The following CCDC191 variants were observed in gnomAD, a reference collection of about 807,000 sequenced individuals.
CCDC191 encodes the protein coiled-coil domain-containing protein 191.
CCDC191 carries 99 observed loss-of-function variants against 114.0 expected under a neutral mutation model. That is an observed-to-expected ratio of 0.87 (90% CI 0.74 to 1.03). CCDC191 has a LOEUF of 1.03. Among genes scored for constraint, CCDC191 ranks in the 50% least tolerant of loss-of-function variants. CCDC191 has a pLI of 0.00. For synonymous variants in CCDC191, 351 were observed against 376.0 expected, an observed-to-expected ratio of 0.93 and a Z score of 0.77; for missense variants, 973 against 1,087.0, an observed-to-expected ratio of 0.90 and a Z score of 1.47.
chr3:114,044,730 A>G (rs1168458367), intron 3 of CCDC191, among the ~76,000 whole-genome samples: 3 of 152,228 alleles, frequency 2.0e-5, no homozygotes, highest in African/African-American at 7.2e-5. Context: ...AAAATAATTC[A>G]CACCTACTAA....
At chr3:113,975,618 A>G (rs775263347) in intron 16 of CCDC191, among the ~76,000 whole-genome samples, 110 of 152,176 alleles carry the variant, frequency 7.2e-4, no homozygotes, top group Admixed American at 2.5e-3. Flanking sequence ...ATACTTTCAG[A>G]GAGTCTTAAG....
chr3:114,056,330 G>A (rs372955951), intron 1 of CCDC191, 47 bp downstream of exon 1: 17 of 1,584,886 alleles, frequency 1.1e-5, no homozygotes, highest in Non-Finnish European at 1.5e-5. Context: ...TGACTGCGCC[G>A]CGCCTTGGGA....
rs1223019527 is a variant in CCDC191, at chr3:113,964,687, G to A, written c.*468C>T. 2 of 152,380 alleles carry A rather than the reference G, an allele frequency of 1.3e-5. No homozygotes were observed. Among genetic ancestry groups the A allele is most frequent in the Non-Finnish European group, 2.9e-5 (2 of 68,178 alleles). The allele number at this position is 152,380 out of a possible 1,614,324, so 9.4% of individuals were successfully genotyped here. A position where few individuals can be genotyped will look rare whatever the true frequency, so the allele number is the denominator to read the frequency against. On this transcript the variant is annotated 3_prime_UTR_variant, in exon 17 of 17. Coordinates refer to ENST00000295878, the MANE Select transcript of CCDC191 (RefSeq NM_020817.2). ...GTCTGCCTTCAGGGGTGGTGAAAGTGGACGAGGTCTGGTGGGGTGCGTGTC... is the reference window on the plus strand; with the variant it reads ...GTCTGCCTTCAGGGGTGGTGAAAGTAGACGAGGTCTGGTGGGGTGCGTGTC...
intron 13 of CCDC191, among the ~76,000 whole-genome samples, chr3:113,987,959 T>C (rs2075420822): frequency 6.6e-6 from 1 of 151,192 alleles, no homozygotes; most frequent in South Asian, 2.1e-4. Context: ...GGAGAATTGC[T>C]TGAACCCAGG....
chr3:114,010,405 T>A (rs2076048619), intron 9 of CCDC191, among the ~76,000 whole-genome samples: 1 of 152,080 alleles, frequency 6.6e-6, no homozygotes, highest in African/African-American at 2.4e-5. Flanking sequence ...AAAAGAAAAA[T>A]TTTAAATTTC....
intron 16 of CCDC191, among the ~76,000 whole-genome samples, chr3:113,973,454 T>C (rs1941018833): frequency 6.6e-6 from 1 of 152,170 alleles, no homozygotes; most frequent in South Asian, 2.1e-4. Context: ...TTCTTTCAGA[T>C]TGAAGAACTC....
intron 10 of CCDC191, 122 bp downstream of exon 10, chr3:114,005,384 TGA>T (rs2075934477): frequency 1.1e-6 from 1 of 922,882 alleles, no homozygotes; most frequent in South Asian, 1.7e-5. Context: ...TTCTTTGCTT[TGA>T]GAGTGCAAAA....
chr3:114,022,023 GAA>G (rs1463554060), intron 7 of CCDC191, among the ~76,000 whole-genome samples: 1 of 152,086 alleles, frequency 6.6e-6, no homozygotes, highest in African/African-American at 2.4e-5. Context: ...ATAAAATACA[GAA>G]AGTCACTGAA....
intron 14 of CCDC191, among the ~76,000 whole-genome samples, chr3:113,979,846 A>G (rs1467743040): frequency 6.6e-6 from 1 of 152,176 alleles, no homozygotes; most frequent in Non-Finnish European, 1.5e-5. Context: ...CATTTTATCT[A>G]TTTTGAATTT....
intron 2 of CCDC191, among the ~76,000 whole-genome samples, chr3:114,049,742 C>T (rs1001267163): frequency 2.0e-5 from 3 of 152,154 alleles, no homozygotes; most frequent in African/African-American, 7.2e-5. Context: ...GAAAGAACTA[C>T]TGGATGATAC....
chr3:114,042,353 G>C (rs944902625), intron 4 of CCDC191, among the ~76,000 whole-genome samples: 1 of 152,150 alleles, frequency 6.6e-6, no homozygotes, highest in Non-Finnish European at 1.5e-5. Context: ...TACTGTATTA[G>C]GTATTGTAAG....
At chr3:113,973,584 C>A (rs1456161183) in intron 16 of CCDC191, among the ~76,000 whole-genome samples, 1 of 146,418 alleles carries the variant, frequency 6.8e-6, no homozygotes, top group Non-Finnish European at 1.5e-5. Context: ...ATACAGTATT[C>A]TTGGATGGCA....
chr3:114,042,946 C>T (rs1306332823), intron 3 of CCDC191, 100 bp from the exon 4 acceptor site: 22 of 1,121,906 alleles, frequency 2.0e-5, no homozygotes, highest in South Asian at 4.5e-5. Flanking sequence ...GAGTACCTAT[C>T]GTGTCAAGTA....
intron 2 of CCDC191, among the ~76,000 whole-genome samples, chr3:114,048,334 G>A (rs62267079): frequency 0.15 from 22,670 of 152,136 alleles, 2,603 homozygotes; most frequent in African/African-American, 0.32. Flanking sequence ...CACATAATGT[G>A]TGTCACAACT....
intron 2 of CCDC191, among the ~76,000 whole-genome samples, chr3:114,050,909 T>C (rs924669864): frequency 6.6e-6 from 1 of 152,138 alleles, no homozygotes; most frequent in African/African-American, 2.4e-5. Context: ...TGAGGATAAA[T>C]TGTAAATCAT....
intron 4 of CCDC191, among the ~76,000 whole-genome samples, chr3:114,040,839 G>T (rs1419859215): frequency 2.6e-5 from 4 of 152,010 alleles, no homozygotes; most frequent in Non-Finnish European, 4.4e-5. Context: ...CATGTCTTAT[G>T]TAAATGGCCT....
chr3:113,969,171 T>C (rs936550052), intron 16 of CCDC191, among the ~76,000 whole-genome samples: 1 of 152,226 alleles, frequency 6.6e-6, no homozygotes, highest in Non-Finnish European at 1.5e-5. Flanking sequence ...TCCATCTCCA[T>C]GACCCAAATA....
At chr3:114,031,516 A>ATGAGGTTTGTGGGCAG in intron 7 of CCDC191, 110 bp downstream of exon 7, 1 of 903,446 alleles carries the variant, frequency 1.1e-6, no homozygotes, top group Admixed American at 2.2e-5. Flanking sequence ...CAGTTTTGGT[A>ATGAGGTTTGTGGGCAG]TTTGTGATGA....
chr3:113,979,698 A>G (rs1455658298), intron 14 of CCDC191, among the ~76,000 whole-genome samples: 1 of 152,182 alleles, frequency 6.6e-6, no homozygotes, highest in Non-Finnish European at 1.5e-5. Flanking sequence ...TGGCACTGTG[A>G]ATGTGATTGA....
Sources: gnomAD v4.1 joint callset for allele counts (sites outside exome capture counted in the v4.1 genomes callset) on GRCh38, gnomAD v4.1.1 for gene constraint, MANE v1.5 for transcripts, NCBI Gene and HGNC (gene_info 2026-07-23, HGNC 2026-07-21) for gene names.